The following CAMK1D variants were observed in gnomAD, a reference collection of about 807,000 sequenced individuals.
CAMK1D encodes calcium/calmodulin dependent protein kinase ID.
A neutral mutation model predicts 47.7 loss-of-function variants in CAMK1D; 9 were observed. The ratio of observed to expected loss-of-function variants is 0.19; its 90% confidence interval spans 0.11 to 0.33. The LOEUF (loss-of-function observed/expected upper bound fraction) is 0.33. CAMK1D is among the 10% of genes least tolerant of loss of function. CAMK1D has a pLI of 1.00. For missense variants in CAMK1D, 291 were observed against 488.7 expected, an observed-to-expected ratio of 0.60 and a Z score of 3.81; for synonymous variants, 184 against 184.9, an observed-to-expected ratio of 0.99 and a Z score of 0.04.
chr10:12,508,804 A>AT (rs1485239493), intron 1 of CAMK1D, among the ~76,000 whole-genome samples: 5 of 151,990 alleles, frequency 3.3e-5, no homozygotes, highest in Admixed American at 6.6e-5. Context: ...CACTTGACTT[A>AT]TTTTTTGCAC....
intron 1 of CAMK1D, among the ~76,000 whole-genome samples, chr10:12,457,762 A>G (rs1833298023): frequency 6.8e-6 from 1 of 147,664 alleles, no homozygotes; most frequent in African/African-American, 2.5e-5. Flanking sequence ...GCCTGGCGAC[A>G]GAGCAAGACT....
chr10:12,509,443 A>C (rs866973154), intron 1 of CAMK1D, among the ~76,000 whole-genome samples: 14 of 152,180 alleles, frequency 9.2e-5, no homozygotes, highest in Non-Finnish European at 2.9e-5. Flanking sequence ...GAGGTTTTAG[A>C]ATGTGACTTC....
intron 2 of CAMK1D, among the ~76,000 whole-genome samples, chr10:12,602,806 G>C (rs1215984058): frequency 6.6e-6 from 1 of 152,048 alleles, no homozygotes; most frequent in Non-Finnish European, 1.5e-5. Flanking sequence ...TGTGTGGGAA[G>C]GGGAAGTTGA....
intron 1 of CAMK1D, among the ~76,000 whole-genome samples, chr10:12,526,931 G>C (rs1835643365): frequency 6.7e-6 from 1 of 149,014 alleles, no homozygotes; most frequent in East Asian, 2.0e-4. Context: ...CTTGCCTCTA[G>C]TCCCAGCTAC....
intron 3 of CAMK1D, among the ~76,000 whole-genome samples, chr10:12,730,001 G>A (rs1182274525): frequency 1.3e-5 from 2 of 152,152 alleles, no homozygotes; most frequent in Non-Finnish European, 2.9e-5. Flanking sequence ...ATGCAGAGCC[G>A]CTGGGAGATT....
chr10:12,565,270 A>G (rs996182045), intron 2 of CAMK1D, among the ~76,000 whole-genome samples: 3 of 148,156 alleles, frequency 2.0e-5, no homozygotes, highest in African/African-American at 7.4e-5. Context: ...TTTTATTTTG[A>G]GATGGAGTCT....
intron 3 of CAMK1D, among the ~76,000 whole-genome samples, chr10:12,724,077 C>T (rs971674470): frequency 6.6e-6 from 1 of 152,204 alleles, no homozygotes; most frequent in Admixed American, 6.5e-5. Context: ...CAACCTCTAC[C>T]TCCCAGGTTC....
intron 1 of CAMK1D, among the ~76,000 whole-genome samples, chr10:12,391,293 G>A (rs968559304): frequency 2.0e-5 from 3 of 152,260 alleles, no homozygotes; most frequent in African/African-American, 7.2e-5. Context: ...GAATCACTAT[G>A]TAAATTAACT....
intron 3 of CAMK1D, among the ~76,000 whole-genome samples, chr10:12,683,212 G>T (rs528204600): frequency 2.0e-5 from 3 of 151,530 alleles, no homozygotes; most frequent in Non-Finnish European, 4.4e-5. Context: ...TCAGCCTCCC[G>T]AGTAGCTGGG....
chr10:12,789,564 C>T (rs1372302701), intron 5 of CAMK1D, among the ~76,000 whole-genome samples: 1 of 152,218 alleles, frequency 6.6e-6, no homozygotes, highest in Non-Finnish European at 1.5e-5. Flanking sequence ...TTATGAATGA[C>T]TCACTCAGGA....
intron 2 of CAMK1D, among the ~76,000 whole-genome samples, chr10:12,574,497 T>TTA (rs368308201): frequency 0.039 from 5,015 of 128,684 alleles, 270 homozygotes; most frequent in Middle Eastern, 0.087. Context: ...TTTTTTTTTT[T>TTA]AGTAGAGACG....
rs1196357828 is a variant in CAMK1D at position 12,694,107 on chromosome 10, TA to T, written c.299+27299del. Among the ~76,000 whole-genome samples the T allele has an allele frequency of 1.4e-3, 59 of 41,840 alleles. 13 individuals carry two copies. Among genetic ancestry groups the T allele is most frequent in the African/African-American group, 4.4e-3 (51 of 11,560 alleles). 27.4% of individuals were successfully genotyped at this position (41,840 alleles called of 152,430 possible). ...TGTATAATATATATTATATAATATATAATATATATTATGCATAATATATATT... is the reference window on the plus strand; with the variant it reads ...TGTATAATATATATTATATAATATATATATATATTATGCATAATATATATT... On this transcript the variant is annotated intron_variant, in intron 3 of 10. Coordinates refer to ENST00000619168, the MANE Select transcript of CAMK1D (RefSeq NM_153498.4).
chr10:12,390,141 A>G (rs1025396243), intron 1 of CAMK1D, among the ~76,000 whole-genome samples: 1 of 152,176 alleles, frequency 6.6e-6, no homozygotes, highest in African/African-American at 2.4e-5. Context: ...CTTGTACTGC[A>G]CGGTGTCCTT....
chr10:12,645,970 GT>G (rs5783282), intron 2 of CAMK1D, among the ~76,000 whole-genome samples: 44,221 of 136,738 alleles, frequency 0.32, 6,722 homozygotes, highest in South Asian at 0.45. Context: ...ATGGCTAGTT[GT>G]TTTTTTTTTT....
chr10:12,405,126 T>C (rs1839372407), intron 1 of CAMK1D, among the ~76,000 whole-genome samples: 1 of 152,178 alleles, frequency 6.6e-6, no homozygotes, highest in African/African-American at 2.4e-5. Context: ...CCAAATGTGG[T>C]TTAGCCTGAG....
chr10:12,791,346 C>A, intron 6 of CAMK1D, 113 bp downstream of exon 6: 1 of 862,658 alleles, frequency 1.2e-6, no homozygotes, highest in Non-Finnish European at 1.9e-6. Context: ...GGGTGCAGTT[C>A]AGGGCCATGT....
chr10:12,563,706 AGAGG>A (rs1837028482), intron 2 of CAMK1D, among the ~76,000 whole-genome samples: 17 of 151,140 alleles, frequency 1.1e-4, no homozygotes, highest in African/African-American at 3.6e-4. Flanking sequence ...AGAGGGAGAG[AGAGG>A]GAGAGAGAGA....
chr10:12,588,793 C>T lies in CAMK1D; in HGVS notation c.224+35437C>T, dbSNP rs182873461. Among the ~76,000 whole-genome samples, 389 of 148,200 alleles carry T rather than the reference C, an allele frequency of 2.6e-3. 5 individuals carry two copies. The East Asian group carries it at 0.041, about 16-fold the overall frequency. On this transcript the variant is annotated intron_variant, in intron 2 of 10. Transcript: ENST00000619168. ...AAGTGCATATGTATATATATATACA[C>T]ACACACACACACACACATACACACA...
intron 5 of CAMK1D, 152 bp downstream of exon 5, chr10:12,769,951 A>C (rs1161204250): frequency 3.6e-6 from 3 of 828,658 alleles, no homozygotes; most frequent in Non-Finnish European, 5.7e-6. Context: ...AAGAATAAAA[A>C]GATTGAGGGA....
Sources: gnomAD v4.1 joint callset for allele counts (sites outside exome capture counted in the v4.1 genomes callset) on GRCh38, gnomAD v4.1.1 for gene constraint, MANE v1.5 for transcripts, NCBI Gene and HGNC (gene_info 2026-07-23, HGNC 2026-07-21) for gene names.